The following SLC39A6 variants were observed in gnomAD, a reference collection of about 807,000 sequenced individuals.
SLC39A6 encodes the protein zinc transporter ZIP6.
Under a neutral mutation model 63.5 loss-of-function variants are expected in SLC39A6, and 51 were observed. The ratio of observed to expected loss-of-function variants is 0.80; its 90% confidence interval spans 0.64 to 1.01. The LOEUF is 1.01. Ranked by LOEUF, SLC39A6 falls within the 50% of genes least tolerant of loss-of-function variation. The probability of loss-of-function intolerance (pLI) is 0.00; values close to 1 mark genes in which losing one functional copy is unlikely to be tolerated. For missense variants in SLC39A6, 805 were observed against 927.8 expected (o/e 0.87, Z 1.72); for synonymous variants, 318 against 324.7 (o/e 0.98, Z 0.22).
intron 9 of SLC39A6, among the ~76,000 whole-genome samples, chr18:36,110,660 T>C (rs886961441): frequency 1.3e-5 from 2 of 152,100 alleles, no homozygotes; most frequent in African/African-American, 4.8e-5. Context: ...TGCCTCAGCC[T>C]CCCAAGTAGC....
chr18:36,128,808 C>G (rs1007427549), intron 1 of SLC39A6, among the ~76,000 whole-genome samples: 1 of 152,178 alleles, frequency 6.6e-6, no homozygotes, highest in African/African-American at 2.4e-5. Flanking sequence ...GCACAAAGCT[C>G]TCTTCTAAAA....
rs1540043 is a variant in SLC39A6 at position 36,111,350 on chromosome 18, T to G, written c.1925-101A>C. ...GATTTAAGAAAATTTTCCAGTGTTT[T>G]TGAGAGGGGGAAAAGAAAACAAAAT... On this transcript the variant is annotated intron_variant, in intron 8 of 9. Coordinates refer to ENST00000269187, the MANE Select transcript of SLC39A6 (RefSeq NM_012319.4). 0.51 allele frequency: 611,821 copies of G among 1,208,322 alleles called. 155,779 individuals are homozygous for G. Among genetic ancestry groups the G allele is most frequent in the East Asian group, 0.65 (25,485 of 39,268 alleles). The allele number at this position is 1,208,322 out of a possible 1,614,324, so 74.9% of individuals were successfully genotyped here.
chr18:36,124,926 C>T (rs74421381), intron 2 of SLC39A6, among the ~76,000 whole-genome samples: 6 of 152,148 alleles, frequency 3.9e-5, no homozygotes, highest in South Asian at 2.1e-4. Flanking sequence ...CAGTACATCA[C>T]GAGTCACCTA....
chr18:36,123,437 A>G, intron 4 of SLC39A6, 58 bp downstream of exon 4: 1 of 1,453,746 alleles, frequency 6.9e-7, no homozygotes, highest in Non-Finnish European at 9.2e-7. Context: ...ATAAACCAAA[A>G]CATTTTTTTT....
rs764291667 is a variant in SLC39A6 at position 36,109,561 on chromosome 18, C to T, written c.*32G>A. The T allele has an allele frequency of 1.7e-5, 26 of 1,567,444 alleles. No individual in the cohort carries two copies. In the African/African-American group the frequency reaches 2.0e-4, roughly 12 times the overall value. The stretch of plus-strand genomic sequence containing the variant: ...CTATGACCTACTGAAACTATGACAA[C>T]TTTTTAAGCTACTCTAGCATTTAAA... On this transcript the variant is annotated 3_prime_UTR_variant, in exon 10 of 10. Coordinates refer to ENST00000269187, the MANE Select transcript of SLC39A6 (RefSeq NM_012319.4).
At position 36,126,963 on chromosome 18, in the gene SLC39A6, G is replaced by A. The variant is rs555797878; in HGVS notation, c.45C>T (p.Leu15=). 1.2e-5 allele frequency: 20 copies of A among 1,614,014 alleles called. No individual in the cohort carries two copies. The highest frequency in any genetic ancestry group is 1.7e-5 in the Admixed American group (1 of 60,000). ...GTTCATGAAGGGGATTTGTGACAGA[G>A]AGGGCAAAGGTCAGGATCAAGATTA... ...LSVILILTFA[L]SVTNPLHELK... is the part of the protein sequence containing the mutation. Residue 15 remains leucine (L), a synonymous_variant, in exon 2 of 10, where the codon CTC becomes CTT. Coordinates refer to ENST00000269187, the MANE Select transcript of SLC39A6 (RefSeq NM_012319.4).
chr18:36,125,550 G>A, intron 2 of SLC39A6, among the ~76,000 whole-genome samples: 1 of 151,932 alleles, frequency 6.6e-6, no homozygotes, highest in East Asian at 1.9e-4. Context: ...TTTGAATGAA[G>A]TACTAAAGTT....
intron 3 of SLC39A6, among the ~76,000 whole-genome samples, chr18:36,124,290 T>C (rs1013155739): frequency 2.7e-5 from 4 of 145,798 alleles, no homozygotes; most frequent in African/African-American, 9.8e-5. Context: ...TGACACCTTC[T>C]TGTAGGATGA....
chr18:36,123,803 TACTGTGGCAATAGCACAATAACCAAG>T, intron 3 of SLC39A6, 139 bp from the exon 4 acceptor site: 1 of 763,764 alleles, frequency 1.3e-6, no homozygotes, highest in East Asian at 2.8e-5. Context: ...AAATAGGACC[TACTGTGGCAATAGCACAATAACCAAG>T]AAATCTGTTG....
intron 2 of SLC39A6, among the ~76,000 whole-genome samples, chr18:36,125,610 A>C (rs913512980): frequency 6.6e-5 from 10 of 151,094 alleles, no homozygotes; most frequent in African/African-American, 2.4e-4. Flanking sequence ...TTTTTTTGAC[A>C]TAATTCCCTG....
rs1363420395 is a variant in SLC39A6 at position 36,124,619 on chromosome 18, A to G, written c.871T>C (p.Cys291Arg). 6.3e-7 allele frequency: 1 copy of G among 1,599,514 alleles called. No homozygotes were observed. Among genetic ancestry groups the G allele is most frequent in the Non-Finnish European group, 8.6e-7 (1 of 1,168,212 alleles). Residue 291 changes from cysteine to arginine, a missense_variant, in exon 3 of 10, where the codon TGT (cysteine) becomes CGT (arginine). Transcript: ENST00000269187. ...TCAATTTGGTTGATGATGGCTGGAC[A>G]GAGATAGTTGAACTCTGTTGCATTC... ...PLNATEFNYL[C>R]PAIINQIDAR...
intron 8 of SLC39A6, among the ~76,000 whole-genome samples, chr18:36,112,127 C>G (rs1037152845): frequency 7.9e-5 from 12 of 152,178 alleles, no homozygotes; most frequent in African/African-American, 2.9e-4. Context: ...AAAATGGCAT[C>G]AGCGGTATGT....
In SLC39A6 at chr18:36,126,289, G is replaced by T. The variant is rs766690853; in HGVS notation, c.719C>A (p.Thr240Lys). ...SRVSRLAGRK[T>K]NESVSEPRKG... The stretch of plus-strand genomic sequence containing the variant: ...TCGGGGCTCACTCACAGATTCATTT[G>T]TTTTCCTACCAGCCAGCCGGCTCAC... The change falls in exon 2 of 10, where the codon ACA becomes AAA. Residue 240 changes from threonine (T) to lysine (K), a missense_variant. Thr to Lys is a moderately conservative substitution (Grantham distance 78). Around this residue, in one of 4 missense-constraint regions of SLC39A6, gnomAD observed 639 missense variants for 644.0 expected, o/e 0.99. Transcript: ENST00000269187. The T allele has an allele frequency of 3.1e-6, 5 of 1,614,106 alleles. No homozygotes were observed. In the African/African-American group the frequency reaches 4.0e-5, roughly 13 times the overall value.
At position 36,116,679 on chromosome 18, in the gene SLC39A6, T is replaced by C. The variant is rs755679002; in HGVS notation, c.1460A>G (p.Asp487Gly). Residue 487 changes from aspartate (D) to glycine (G), a missense_variant, in exon 6 of 10, where the codon GAT becomes GGT. By Grantham distance (94) the Asp-to-Gly change is moderately conservative. This residue lies in a region of SLC39A6 where 639 missense variants were observed against 644.0 expected (regional missense o/e 0.99). Coordinates refer to ENST00000269187, the MANE Select transcript of SLC39A6 (RefSeq NM_012319.4). ...ATTTATGCATAAGAACTTACGATCA[T>C]CTGTATCTACTTTCTCCTCATTTGT... The part of the protein sequence containing the change: ...LSTNEEKVDT[D>G]DRTEGYLRAD... The C allele has an allele frequency of 2.5e-6, 4 of 1,604,570 alleles. No individual in the cohort carries two copies. The East Asian group carries it at 8.9e-5, about 36-fold the overall frequency.
At chr18:36,116,835 C>T (rs193201424) in intron 5 of SLC39A6, 56 bp from the exon 6 acceptor site, 860 of 1,265,026 alleles carry the variant, frequency 6.8e-4, no homozygotes, top group African/African-American at 4.5e-3. Flanking sequence ...ATATGTACAG[C>T]TTTCAATCAA....
intron 6 of SLC39A6, among the ~76,000 whole-genome samples, chr18:36,116,171 C>T (rs1463865362): frequency 2.0e-5 from 3 of 152,132 alleles, no homozygotes; most frequent in Admixed American, 2.0e-4. Flanking sequence ...GAGAATGGCA[C>T]TGTATCAGTA....
chr18:36,114,584 A>C, intron 6 of SLC39A6, 110 bp from the exon 7 acceptor site: 1 of 705,622 alleles, frequency 1.4e-6, no homozygotes, highest in Non-Finnish European at 2.3e-6. Flanking sequence ...AAGCATGATA[A>C]CTCCTTCATA....
chr18:36,123,507 G>A lies in SLC39A6; in HGVS notation c.1128C>T (p.His376=). 6.2e-7 allele frequency: 1 copy of A among 1,610,422 alleles called. No homozygotes were observed. Among genetic ancestry groups the A allele is most frequent in the Non-Finnish European group, 8.5e-7 (1 of 1,179,020 alleles). ...TTACTATACTTACATGTGGAAGAAG[G>A]TGTAAAAAAGCATCACCACTCAAAG... ...VGTLSGDAFL[H]LLPHSHASHH... is the part of the protein sequence containing the mutation. The change falls in exon 4 of 10, where the codon CAC becomes CAT. Residue 376 remains histidine (H), a synonymous_variant. Transcript: ENST00000269187.
chr18:36,122,568 T>G (rs547213808), intron 4 of SLC39A6, among the ~76,000 whole-genome samples: 1 of 152,330 alleles, frequency 6.6e-6, no homozygotes, highest in South Asian at 2.1e-4. Context: ...AATACTAGAC[T>G]TAATGTGCAC....
Sources: allele counts gnomAD v4.1 joint callset (sites outside exome capture counted in the v4.1 genomes callset), GRCh38; gene constraint gnomAD v4.1.1; regional missense constraint gnomAD v4.1.1; transcripts MANE v1.5; gene names NCBI Gene and HGNC (gene_info 2026-07-23, HGNC 2026-07-21).